The following FAT3 variants were observed in gnomAD, a reference collection of about 807,000 sequenced individuals.
FAT3 encodes the protein FAT atypical cadherin 3, also known as protocadherin Fat 3.
Under a neutral mutation model 310.2 loss-of-function variants are expected in FAT3, and 95 were observed. The ratio of observed to expected loss-of-function variants is 0.31; its 90% CI spans 0.26 to 0.36. FAT3 has a LOEUF of 0.36. Among genes scored for constraint, FAT3 ranks in the 10% least tolerant of loss-of-function variants. The pLI is 1.00. For missense variants in FAT3, 5,408 were observed against 5,715.6 expected (o/e 0.95, Z 1.74); for synonymous variants, 2,314 against 2,192.9 (o/e 1.06, Z -1.54).
intron 4 of FAT3, among the ~76,000 whole-genome samples, chr11:92,733,360 A>G (rs1335384478): frequency 6.6e-6 from 1 of 151,834 alleles, no homozygotes; most frequent in African/African-American, 2.4e-5. Flanking sequence ...AATAGGTAAT[A>G]TGAGGCAAGA....
At chr11:92,393,857 C>T (rs1415888891) in intron 2 of FAT3, among the ~76,000 whole-genome samples, 1 of 152,146 alleles carries the variant, frequency 6.6e-6, no homozygotes, top group African/African-American at 2.4e-5. Context: ...GAGGGTCTCA[C>T]TTTCTGTTGA....
intron 1 of FAT3, among the ~76,000 whole-genome samples, chr11:92,335,040 G>T (rs2155150): frequency 1.3e-5 from 2 of 152,054 alleles, no homozygotes; most frequent in Non-Finnish European, 2.9e-5. Flanking sequence ...GTCTGATGAT[G>T]TCGCCACAAT....
At chr11:92,582,083 T>A (rs1938832819) in intron 3 of FAT3, among the ~76,000 whole-genome samples, 1 of 152,020 alleles carries the variant, frequency 6.6e-6, no homozygotes, top group Non-Finnish European at 1.5e-5. Flanking sequence ...ATAGGGTAAC[T>A]TCCTGACGTT....
intron 2 of FAT3, among the ~76,000 whole-genome samples, chr11:92,395,032 G>A (rs986738524): frequency 5.3e-5 from 8 of 152,180 alleles, no homozygotes; most frequent in African/African-American, 1.9e-4. Flanking sequence ...TTTGCTGAAT[G>A]AATGAATGAA....
chr11:92,448,249 G>A (rs1014271908), intron 2 of FAT3, among the ~76,000 whole-genome samples: 3 of 152,116 alleles, frequency 2.0e-5, no homozygotes, highest in Admixed American at 6.5e-5. Context: ...CATAATCTAC[G>A]TATCTCAAAG....
intron 3 of FAT3, among the ~76,000 whole-genome samples, chr11:92,564,581 T>C (rs1214439126): frequency 6.6e-6 from 1 of 152,026 alleles, no homozygotes; most frequent in Non-Finnish European, 1.5e-5. Flanking sequence ...CAACAGAATA[T>C]ACATTTTTTT....
chr11:92,880,111 T>C (rs1278994666), intron 22 of FAT3, among the ~76,000 whole-genome samples: 1 of 151,584 alleles, frequency 6.6e-6, no homozygotes, highest in Non-Finnish European at 1.5e-5. Context: ...TACCAATTTC[T>C]GCATGATGGG....
chr11:92,800,596 A>T lies in FAT3; in HGVS notation c.7583A>T (p.Tyr2528Phe). ...GCCACAGATGGTGATCCAGGGACTT[A>T]TGGGCAGATCAGCTATGCCATCATC... ...VRATDGDPGT[Y>F]GQISYAIIND... is the part of the protein sequence containing the mutation. The change falls in exon 10 of 28, where the codon TAT (tyrosine) becomes TTT (phenylalanine). Residue 2528 changes from tyrosine to phenylalanine, a missense_variant. Coordinates refer to ENST00000525166, the MANE Select transcript of FAT3 (RefSeq NM_001367949.2). 1 of 1,613,834 alleles carries T rather than the reference A, an allele frequency of 6.2e-7. No individual in the cohort carries two copies. Among genetic ancestry groups the T allele is most frequent in the Non-Finnish European group, 8.5e-7 (1 of 1,179,826 alleles).
At chr11:92,302,745 A>C (rs994708344) in intron 1 of FAT3, among the ~76,000 whole-genome samples, 2 of 152,154 alleles carry the variant, frequency 1.3e-5, no homozygotes, top group African/African-American at 4.8e-5. Flanking sequence ...TGTTTTTATT[A>C]ATCATTTAAC....
At chr11:92,303,492 T>C (rs1286083087) in intron 1 of FAT3, among the ~76,000 whole-genome samples, 1 of 152,092 alleles carries the variant, frequency 6.6e-6, no homozygotes, top group African/African-American at 2.4e-5. Context: ...ATGTAACACA[T>C]TGAAAGACTG....
chr11:92,594,104 G>A (rs1378324768), intron 3 of FAT3, among the ~76,000 whole-genome samples: 2 of 152,114 alleles, frequency 1.3e-5, no homozygotes, highest in South Asian at 2.1e-4. Flanking sequence ...AGGTGAGAGT[G>A]CAAGACCTTG....
chr11:92,694,468 T>A (rs1161488906), intron 3 of FAT3, among the ~76,000 whole-genome samples: 1 of 152,234 alleles, frequency 6.6e-6, no homozygotes, highest in African/African-American at 2.4e-5. Flanking sequence ...CTGATCAATA[T>A]GTGAGAAACA....
intron 13 of FAT3, among the ~76,000 whole-genome samples, chr11:92,821,188 C>G (rs766794921): frequency 1.1e-4 from 17 of 152,178 alleles, no homozygotes; most frequent in Non-Finnish European, 1.8e-4. Flanking sequence ...AAAATCCAGT[C>G]AAATCCTGAG....
intron 2 of FAT3, among the ~76,000 whole-genome samples, chr11:92,392,425 C>G (rs1949771670): frequency 6.6e-6 from 1 of 152,124 alleles, no homozygotes; most frequent in Non-Finnish European, 1.5e-5. Flanking sequence ...ATTTCTGTCT[C>G]ACTCTAAAGC....
chr11:92,657,190 AC>A (rs1942612023), intron 3 of FAT3, among the ~76,000 whole-genome samples: 1 of 152,098 alleles, frequency 6.6e-6, no homozygotes, highest in Admixed American at 6.6e-5. Context: ...CCCAACCCCA[AC>A]CCCAGAATGG....
chr11:92,452,630 C>T (rs902207338), intron 2 of FAT3, among the ~76,000 whole-genome samples: 7 of 151,990 alleles, frequency 4.6e-5, no homozygotes, highest in Admixed American at 1.3e-4. Flanking sequence ...CCTTATATAC[C>T]GTGATTCAGT....
intron 3 of FAT3, among the ~76,000 whole-genome samples, chr11:92,557,664 A>G (rs899450460): frequency 1.3e-5 from 2 of 152,220 alleles, no homozygotes; most frequent in African/African-American, 4.8e-5. Flanking sequence ...TATAGACTGC[A>G]GCTCTCTGCC....
chr11:92,755,417 T>G (rs1243353450), intron 4 of FAT3, among the ~76,000 whole-genome samples: 1 of 151,910 alleles, frequency 6.6e-6, no homozygotes, highest in African/African-American at 2.4e-5. Flanking sequence ...AGAGACAGGG[T>G]CTCACCATGT....
At chr11:92,840,867 A>C in intron 18 of FAT3, 108 bp downstream of exon 18, 2 of 1,056,196 alleles carry the variant, frequency 1.9e-6, no homozygotes. Flanking sequence ...ATAATTCATT[A>C]CCATGCGGGA....
Sources: gnomAD v4.1 joint callset for allele counts (sites outside exome capture counted in the v4.1 genomes callset) on GRCh38, gnomAD v4.1.1 for gene constraint, MANE v1.5 for transcripts, NCBI Gene and HGNC (gene_info 2026-07-23, HGNC 2026-07-21) for gene names.